NYAP2: variants seen among roughly 807,000 people sequenced by gnomAD.
NYAP2 encodes neuronal tyrosine-phosphorylated phosphoinositide-3-kinase adapter 2.
NYAP2 carries 23 observed loss-of-function variants against 50.4 expected under a neutral mutation model. The ratio of observed to expected loss-of-function variants is 0.46; its 90% confidence interval spans 0.33 to 0.65. The LOEUF is 0.65. Among genes scored for constraint, NYAP2 ranks in the 30% least tolerant of loss-of-function variants. NYAP2 has a pLI of 0.02. For synonymous variants in NYAP2, 394 were observed against 365.2 expected (o/e 1.08, Z -0.90); for missense variants, 885 against 861.0 (o/e 1.03, Z -0.35).
intron 5 of NYAP2, among the ~76,000 whole-genome samples, chr2:225,617,369 C>T (rs958592184): frequency 2.6e-5 from 4 of 151,754 alleles, no homozygotes; most frequent in Admixed American, 6.6e-5. Flanking sequence ...ATGGAGGTTG[C>T]GGTGAGCCGA....
chr2:225,579,133 C>G (rs999244048), intron 4 of NYAP2, among the ~76,000 whole-genome samples: 2 of 151,606 alleles, frequency 1.3e-5, no homozygotes, highest in Non-Finnish European at 2.9e-5. Flanking sequence ...TCTGCTGTCT[C>G]TTCTTATAAT....
chr2:225,701,941 A>C, the NYAP2 span: 1 of 151,796 alleles, frequency 6.6e-6, no homozygotes, highest in African/African-American at 2.4e-5. Flanking sequence ...TACGTCAATA[A>C]AACTAAAGCC....
intron 5 of NYAP2, among the ~76,000 whole-genome samples, chr2:225,619,247 T>G (rs190422359): frequency 1.3e-5 from 2 of 152,240 alleles, no homozygotes; most frequent in African/African-American, 2.4e-5. Context: ...AGCAAATACA[T>G]GGCATGGCCA....
intron 3 of NYAP2, among the ~76,000 whole-genome samples, chr2:225,491,740 C>T (rs1275742406): frequency 6.6e-6 from 1 of 152,132 alleles, no homozygotes; most frequent in Non-Finnish European, 1.5e-5. Flanking sequence ...TGACTTTTGG[C>T]AGGAGACATT....
At chr2:225,409,063 G>A in exon 3 of NYAP2, 1 of 1,610,382 alleles carries the variant, frequency 6.2e-7, no homozygotes, top group Non-Finnish European at 8.5e-7. Flanking sequence ...TGAAAGAGAA[G>A]AATGAAAAAC....
At chr2:225,569,448 G>A (rs545630409) in intron 4 of NYAP2, among the ~76,000 whole-genome samples, 6 of 152,160 alleles carry the variant, frequency 3.9e-5, no homozygotes, top group Admixed American at 2.6e-4. Flanking sequence ...AGGGGGGGAG[G>A]TGAGAGAGAC....
chr2:225,642,147 G>C (rs1182600392), intron 6 of NYAP2, among the ~76,000 whole-genome samples: 1 of 152,112 alleles, frequency 6.6e-6, no homozygotes, highest in Non-Finnish European at 1.5e-5. Flanking sequence ...GAGTGAAGTA[G>C]TGTGATTAAA....
At chr2:225,450,708 T>C (rs1317073525) in intron 3 of NYAP2, among the ~76,000 whole-genome samples, 1 of 152,210 alleles carries the variant, frequency 6.6e-6, no homozygotes, top group East Asian at 1.9e-4. Flanking sequence ...ACATAGTAAA[T>C]TGTCCACAAA....
At chr2:225,412,055 C>T (rs1695051557) in intron 3 of NYAP2, among the ~76,000 whole-genome samples, 2 of 149,964 alleles carry the variant, frequency 1.3e-5, no homozygotes, top group Admixed American at 6.7e-5. Context: ...CTCTGCCTCC[C>T]AGGTTCAAGC....
chr2:225,626,845 C>G (rs1693217851), intron 5 of NYAP2, 72 bp from the exon 6 acceptor site: 1 of 1,164,938 alleles, frequency 8.6e-7, no homozygotes, highest in Non-Finnish European at 1.2e-6. Flanking sequence ...GAAAATCACA[C>G]TAATTTTTTG....
At chr2:225,550,176 C>T (rs1000659866) in intron 4 of NYAP2, among the ~76,000 whole-genome samples, 5 of 152,044 alleles carry the variant, frequency 3.3e-5, no homozygotes, top group South Asian at 2.1e-4. Context: ...TAAGATATGG[C>T]GACCAGAAAA....
chr2:225,484,804 T>G (rs1194879335), intron 3 of NYAP2, among the ~76,000 whole-genome samples: 1 of 152,244 alleles, frequency 6.6e-6, no homozygotes, highest in Admixed American at 6.5e-5. Context: ...CCTGGTCTGG[T>G]GGTTTCCAAA....
the NYAP2 span, among the ~76,000 whole-genome samples, chr2:225,673,963 G>T: frequency 6.6e-6 from 1 of 151,872 alleles, no homozygotes; most frequent in South Asian, 2.1e-4. Context: ...GACCCAGATG[G>T]ACTTCAGAAC....
chr2:225,585,524 G>A (rs1485293287), intron 5 of NYAP2, among the ~76,000 whole-genome samples: 1 of 152,234 alleles, frequency 6.6e-6, no homozygotes, highest in African/African-American at 2.4e-5. Context: ...GTACATGGAA[G>A]AGTGGTCAAG....
the NYAP2 span, among the ~76,000 whole-genome samples, chr2:225,671,627 T>C: frequency 6.6e-6 from 1 of 152,210 alleles, no homozygotes; most frequent in Non-Finnish European, 1.5e-5. Context: ...ACAAGTGTTC[T>C]TAATGATATC....
At chr2:225,549,312 C>T (rs1040429646) in intron 4 of NYAP2, among the ~76,000 whole-genome samples, 3 of 152,290 alleles carry the variant, frequency 2.0e-5, no homozygotes, top group East Asian at 1.9e-4. Context: ...TATCCATTTA[C>T]GTATCTGTTT....
chr2:225,497,166 T>C (rs2106174983), intron 3 of NYAP2, among the ~76,000 whole-genome samples: 1 of 152,292 alleles, frequency 6.6e-6, no homozygotes, highest in East Asian at 1.9e-4. Context: ...AGTGCATTGT[T>C]CCCAGAAAGC....
intron 3 of NYAP2, among the ~76,000 whole-genome samples, chr2:225,450,987 A>C (rs1354344745): frequency 6.6e-6 from 1 of 152,214 alleles, no homozygotes; most frequent in African/African-American, 2.4e-5. Flanking sequence ...GGGAGGGGAA[A>C]TTTCCAAAAA....
chr2:225,477,209 G>A lies in NYAP2; in HGVS notation c.222-36162G>A, dbSNP rs564320108. Among the ~76,000 whole-genome samples the A allele has an allele frequency of 9.1e-4, 132 of 145,642 alleles. 4 individuals are homozygous for A. In the South Asian group the frequency reaches 0.029, roughly 32 times the overall value. ...TTGTTAAAAGGCAGATTCTGATTTA[G>A]CAGGTCTGAGAGTCTCTATTTCTTT... On this transcript the variant is annotated intron_variant, in intron 3 of 6. Transcript: ENST00000636099.
Sources: allele counts gnomAD v4.1 joint callset (sites outside exome capture counted in the v4.1 genomes callset), GRCh38; gene constraint gnomAD v4.1.1; transcripts MANE v1.5; gene names NCBI Gene and HGNC (gene_info 2026-07-23, HGNC 2026-07-21).